ZDHHC14: variants seen among roughly 807,000 people sequenced by gnomAD.
ZDHHC14 encodes zDHHC palmitoyltransferase 14, also known as palmitoyltransferase ZDHHC14.
A neutral mutation model predicts 47.7 loss-of-function variants in ZDHHC14; 16 were observed. That is an observed-to-expected ratio of 0.34 (90% confidence interval 0.23 to 0.51). ZDHHC14 has a LOEUF of 0.51. ZDHHC14 is among the 20% of genes least tolerant of loss of function. The probability of loss-of-function intolerance (pLI) is 0.97; values close to 1 mark genes in which losing one functional copy is unlikely to be tolerated. For missense variants in ZDHHC14, 515 were observed against 662.5 expected (o/e 0.78, Z 2.44); for synonymous variants, 293 against 278.9 (o/e 1.05, Z -0.50).
intron 2 of ZDHHC14, among the ~76,000 whole-genome samples, chr6:157,584,001 A>G (rs1365108076): frequency 6.6e-6 from 1 of 151,854 alleles, no homozygotes; most frequent in Non-Finnish European, 1.5e-5. Flanking sequence ...CCCAGGGGAG[A>G]CAGCCTGGCC....
At chr6:157,548,693 G>A (rs887372007) in intron 2 of ZDHHC14, among the ~76,000 whole-genome samples, 3 of 152,248 alleles carry the variant, frequency 2.0e-5, no homozygotes, top group Middle Eastern at 3.4e-3. Flanking sequence ...TGATCTGCCC[G>A]CCTGGGCCTC....
At chr6:157,621,414 G>A (rs957747072) in intron 3 of ZDHHC14, among the ~76,000 whole-genome samples, 1 of 152,134 alleles carries the variant, frequency 6.6e-6, no homozygotes, top group Non-Finnish European at 1.5e-5. Flanking sequence ...TAATTTAAAT[G>A]TGATTAACAT....
At chr6:157,596,219 G>T (rs1784122478) in intron 3 of ZDHHC14, among the ~76,000 whole-genome samples, 1 of 152,164 alleles carries the variant, frequency 6.6e-6, no homozygotes, top group African/African-American at 2.4e-5. Flanking sequence ...AGAGTGGAAG[G>T]CAAATGTCTC....
intron 2 of ZDHHC14, among the ~76,000 whole-genome samples, chr6:157,565,547 A>C (rs1262399430): frequency 6.6e-6 from 1 of 152,128 alleles, no homozygotes; most frequent in Non-Finnish European, 1.5e-5. Flanking sequence ...GGCCAGATGC[A>C]GTTGCTCGCG....
chr6:157,453,415 C>T (rs1271124250), intron 1 of ZDHHC14, among the ~76,000 whole-genome samples: 1 of 152,204 alleles, frequency 6.6e-6, no homozygotes, highest in East Asian at 1.9e-4. Context: ...TTCTCTCAGA[C>T]CACTCTGCAG....
At chr6:157,578,320 T>C (rs1252418551) in intron 2 of ZDHHC14, among the ~76,000 whole-genome samples, 1 of 152,218 alleles carries the variant, frequency 6.6e-6, no homozygotes, top group African/African-American at 2.4e-5. Context: ...TTTTTATAGT[T>C]TTAGGTTTTA....
rs555840772 is a variant in ZDHHC14, at chr6:157,605,149, A to G, written c.565+12003A>G. Among the ~76,000 whole-genome samples the G allele has an allele frequency of 3.9e-5, 6 of 152,358 alleles. No individual in the cohort carries two copies. In the South Asian group the frequency reaches 1.2e-3, roughly 32 times the overall value. Reference sequence around the variant, plus strand: ...TAATAACCCATGTGCCTTAGTTTTGAAAGCTTAATATGTGTTTGCACATTT... The same window carrying G: ...TAATAACCCATGTGCCTTAGTTTTGGAAGCTTAATATGTGTTTGCACATTT... On this transcript the variant is annotated intron_variant, in intron 3 of 8. Coordinates refer to ENST00000359775, the MANE Select transcript of ZDHHC14 (RefSeq NM_024630.3).
At chr6:157,523,294 C>A (rs545444481) in intron 1 of ZDHHC14, among the ~76,000 whole-genome samples, 2 of 152,188 alleles carry the variant, frequency 1.3e-5, no homozygotes, top group South Asian at 4.2e-4. Flanking sequence ...ATATTGAATA[C>A]GTGATGTGTG....
chr6:157,389,788 CTG>C (rs796455647), intron 1 of ZDHHC14, among the ~76,000 whole-genome samples: 28 of 152,224 alleles, frequency 1.8e-4, no homozygotes, highest in African/African-American at 6.5e-4. Context: ...TTTGTACCCA[CTG>C]TCATATATTT....
intron 1 of ZDHHC14, among the ~76,000 whole-genome samples, chr6:157,522,837 CT>C (rs1780988493): frequency 2.2e-5 from 1 of 45,436 alleles, no homozygotes; most frequent in African/African-American, 1.6e-4. Context: ...CCCTCCCTCC[CT>C]TCCTTCCTTC....
chr6:157,634,534 G>C (rs748344497), intron 5 of ZDHHC14, among the ~76,000 whole-genome samples: 4 of 152,136 alleles, frequency 2.6e-5, no homozygotes, highest in African/African-American at 9.7e-5. Flanking sequence ...TAGCCAAGTC[G>C]CCTCTCCCTT....
intron 5 of ZDHHC14, among the ~76,000 whole-genome samples, chr6:157,638,307 T>C (rs1777081980): frequency 6.6e-6 from 1 of 152,172 alleles, no homozygotes; most frequent in East Asian, 1.9e-4. Flanking sequence ...TCCGTCCTCC[T>C]CCTACTCCTT....
intron 3 of ZDHHC14, among the ~76,000 whole-genome samples, chr6:157,602,074 C>A (rs1026773162): frequency 6.6e-6 from 1 of 151,968 alleles, no homozygotes; most frequent in Non-Finnish European, 1.5e-5. Flanking sequence ...TGGTAGCACA[C>A]CCCTGTAATC....
intron 2 of ZDHHC14, among the ~76,000 whole-genome samples, chr6:157,580,327 A>G (rs1377216210): frequency 6.6e-6 from 1 of 151,920 alleles, no homozygotes; most frequent in Non-Finnish European, 1.5e-5. Context: ...TTTTGCTTCT[A>G]TATTCATTTG....
intron 1 of ZDHHC14, among the ~76,000 whole-genome samples, chr6:157,386,954 C>A (rs1195815850): frequency 6.6e-6 from 1 of 152,150 alleles, no homozygotes; most frequent in Non-Finnish European, 1.5e-5. Context: ...ATGAAGGAAA[C>A]AAACTGAGAG....
intron 1 of ZDHHC14, among the ~76,000 whole-genome samples, chr6:157,541,887 C>T (rs185399136): frequency 2.0e-5 from 3 of 152,276 alleles, no homozygotes; most frequent in East Asian, 3.9e-4. Flanking sequence ...GTGAAAAGGT[C>T]GAGTTAAGAG....
chr6:157,440,500 G>T (rs778573779), intron 1 of ZDHHC14, among the ~76,000 whole-genome samples: 2 of 152,116 alleles, frequency 1.3e-5, no homozygotes, highest in African/African-American at 2.4e-5. Flanking sequence ...CACTTTGGAG[G>T]TTCCTCAAAA....
At chr6:157,386,380 T>TA (rs1246290075) in intron 1 of ZDHHC14, among the ~76,000 whole-genome samples, 1 of 152,120 alleles carries the variant, frequency 6.6e-6, no homozygotes, top group Non-Finnish European at 1.5e-5. Context: ...ACAAATAAAA[T>TA]AAGCACCTTT....
rs1393135225 is a variant in ZDHHC14, at chr6:157,674,096, G to GA, written c.*975dup. On this transcript the variant is annotated 3_prime_UTR_variant, in exon 9 of 9. Coordinates refer to ENST00000359775, the MANE Select transcript of ZDHHC14 (RefSeq NM_024630.3). ...GAGATATTTATAGAATAATTTCTTA[G>GA]ATAAGAGGCAAGTTTTCCATCATTT... 1 of 152,552 alleles carries GA rather than the reference G, an allele frequency of 6.6e-6. No homozygotes were observed. Among genetic ancestry groups the GA allele is most frequent in the African/African-American group, 2.4e-5 (1 of 41,440 alleles). 9.4% of individuals were successfully genotyped at this position (152,552 alleles called of 1,614,324 possible).
Sources: gnomAD v4.1 joint callset for allele counts (sites outside exome capture counted in the v4.1 genomes callset) on GRCh38, gnomAD v4.1.1 for gene constraint, MANE v1.5 for transcripts, NCBI Gene and HGNC (gene_info 2026-07-23, HGNC 2026-07-21) for gene names.